Variants in EVC2 observed in about 807,000 individuals in gnomAD.
EVC2 encodes the protein limbin.
Under a neutral mutation model 149.3 loss-of-function variants are expected in EVC2, and 148 were observed. The ratio of observed to expected loss-of-function variants is 0.99; its 90% CI spans 0.87 to 1.14. EVC2 has a LOEUF of 1.14. Among genes scored for constraint, EVC2 ranks in the 50% most tolerant of loss-of-function variants. The pLI is 0.00. For missense variants in EVC2, 1,854 were observed against 1,627.3 expected (o/e 1.14, Z -2.40); for synonymous variants, 776 against 649.9 (o/e 1.19, Z -2.95).
At chr4:5,593,970 A>C (rs1342090061) in intron 16 of EVC2, among the ~76,000 whole-genome samples, 1 of 152,210 alleles carries the variant, frequency 6.6e-6, no homozygotes, top group Non-Finnish European at 1.5e-5. Context: ...GCTGATTGCT[A>C]GCACGGCAGT....
At chr4:5,689,822 T>C (rs1423602932) in intron 4 of EVC2, among the ~76,000 whole-genome samples, 1 of 152,182 alleles carries the variant, frequency 6.6e-6, no homozygotes, top group Non-Finnish European at 1.5e-5. Flanking sequence ...GCCCAGCACA[T>C]GTCTCAGTGG....
chr4:5,688,358 T>C (rs761400743), intron 5 of EVC2, among the ~76,000 whole-genome samples: 17 of 152,120 alleles, frequency 1.1e-4, no homozygotes, highest in Non-Finnish European at 5.9e-5. Context: ...GTTACCACGG[T>C]GCACAGGGAG....
rs567518604 is a variant in EVC2, at chr4:5,621,780, C to T, written c.2501+757G>A. 2.6e-5 allele frequency among the ~76,000 whole-genome samples: 4 copies of T among 152,246 alleles called. No individual in the cohort carries two copies. The East Asian group carries it at 5.8e-4, about 22-fold the overall frequency. ...TGAAATTTATCTTGGGAGGCTGAGG[C>T]GGGAGGATTGCCTAAGCCCAGGAGT... is the stretch of plus-strand genomic sequence containing the variant. On this transcript the variant is annotated intron_variant, in intron 14 of 21. Coordinates refer to ENST00000344408, the MANE Select transcript of EVC2 (RefSeq NM_147127.5).
intron 19 of EVC2, among the ~76,000 whole-genome samples, chr4:5,571,144 C>T (rs1560128791): frequency 1.3e-5 from 2 of 151,734 alleles, no homozygotes; most frequent in East Asian, 3.9e-4. Context: ...GGTGAAACCC[C>T]GTCTCTACTG....
At chr4:5,541,009 G>A (rs1323537337), downstream of EVC2, among the ~76,000 whole-genome samples, 1 of 152,124 alleles carries the variant, frequency 6.6e-6, no homozygotes, top group Non-Finnish European at 1.5e-5. Context: ...CCCCATCATT[G>A]CACACTCATC....
intron 9 of EVC2, among the ~76,000 whole-genome samples, chr4:5,656,674 A>C (rs1430024651): frequency 6.6e-6 from 1 of 152,130 alleles, no homozygotes. Context: ...GAAGCCCCAG[A>C]AGCTGGAAGA....
rs182372101 is a variant in EVC2, at chr4:5,638,207, G to A, written c.1470+2307C>T. Among the ~76,000 whole-genome samples, 1,217 of 152,072 alleles carry A rather than the reference G, an allele frequency of 8.0e-3. 12 individuals are homozygous for A. The highest frequency in any genetic ancestry group is 0.01 in the Non-Finnish European group (709 of 67,986). On this transcript the variant is annotated intron_variant, in intron 10 of 21. Coordinates refer to ENST00000344408, the MANE Select transcript of EVC2 (RefSeq NM_147127.5). ...AGTTCGAGATCAGTGTGGCCAACATGGCAAAACCCTGTCTCTACTAAAAAT... is the reference window on the plus strand; with the variant it reads ...AGTTCGAGATCAGTGTGGCCAACATAGCAAAACCCTGTCTCTACTAAAAAT...
At chr4:5,616,557 C>T (rs1288061418) in intron 15 of EVC2, among the ~76,000 whole-genome samples, 2 of 152,214 alleles carry the variant, frequency 1.3e-5, no homozygotes, top group South Asian at 2.1e-4. Context: ...TAAGCATCCA[C>T]TAACATTGCT....
the EVC2 span, among the ~76,000 whole-genome samples, chr4:5,530,742 T>C: frequency 6.6e-6 from 1 of 152,266 alleles, no homozygotes; most frequent in Non-Finnish European, 1.5e-5. Flanking sequence ...ACCAGACAGC[T>C]GACTACCTCA....
chr4:5,609,593 G>A (rs910910827), intron 16 of EVC2, among the ~76,000 whole-genome samples: 9 of 152,248 alleles, frequency 5.9e-5, no homozygotes, highest in South Asian at 4.1e-4. Flanking sequence ...GAAAGAAGAC[G>A]AGCACTACAG....
chr4:5,643,028 G>C (rs964455167), intron 9 of EVC2, among the ~76,000 whole-genome samples: 1 of 152,198 alleles, frequency 6.6e-6, no homozygotes, highest in Non-Finnish European at 1.5e-5. Context: ...ACAGATGTGT[G>C]TATGTCTATC....
At chr4:5,561,034 G>C (rs561179254), downstream of EVC2, among the ~76,000 whole-genome samples, 113 of 152,238 alleles carry the variant, frequency 7.4e-4, 2 homozygotes, top group South Asian at 0.022. Context: ...GAGCAGCTTG[G>C]GCACCTCCTG....
At chr4:5,550,718 C>T (rs950612791) in intron 21 of EVC2, among the ~76,000 whole-genome samples, 2 of 152,238 alleles carry the variant, frequency 1.3e-5, no homozygotes, top group African/African-American at 4.8e-5. Flanking sequence ...GTCTCCAGGG[C>T]AGGTCAGAAG....
intron 21 of EVC2, chr4:5,543,221 G>A (rs1721549982): frequency 7.8e-7 from 1 of 1,289,638 alleles, no homozygotes; most frequent in South Asian, 1.2e-5. Context: ...ACCTGGAACA[G>A]GATACAATCC....
intron 19 of EVC2, among the ~76,000 whole-genome samples, chr4:5,570,587 A>C (rs1380941443): frequency 6.6e-6 from 1 of 152,250 alleles, no homozygotes; most frequent in Non-Finnish European, 1.5e-5. Flanking sequence ...AACAGTATGG[A>C]GGTTCCTTAA....
At chr4:5,676,206 C>T (rs570435880) in intron 7 of EVC2, among the ~76,000 whole-genome samples, 9 of 152,232 alleles carry the variant, frequency 5.9e-5, no homozygotes, top group African/African-American at 2.2e-4. Context: ...GTACTCTCAT[C>T]CAGGAGACAG....
chr4:5,615,519 C>G lies in EVC2; in HGVS notation c.2732G>C (p.Arg911Pro), dbSNP rs767317898. 3.7e-6 allele frequency: 6 copies of G among 1,614,054 alleles called. No individual in the cohort carries two copies. In the African/African-American group the frequency reaches 8.0e-5, roughly 22 times the overall value. The change falls in exon 16 of 22, where the codon CGG (arginine) becomes CCG (proline). Residue 911 changes from arginine (R) to proline (P), a missense_variant. Physicochemically the swap from Arg to Pro is moderately radical, Grantham distance 103. Coordinates refer to ENST00000344408, the MANE Select transcript of EVC2 (RefSeq NM_147127.5). ...CTCTCCCTTGCTTTTACTCTTGGAC[C>G]GTGACTTTCTCACCTTGGACTGTTG... ...LQQQSKVRKS[R>P]SKSKSKGELL... is the part of the protein sequence containing the mutation.
rs1335323685 is a variant in EVC2, at chr4:5,679,931, G to A, written c.870+1329C>T. On this transcript the variant is annotated intron_variant, in intron 7 of 21. Transcript: ENST00000344408. The surrounding 1 kb of genome is among the most constrained non-coding windows in gnomAD (Gnocchi z 5.1). Reference sequence around the variant, plus strand: ...GTTCCTTTCTTTATATCCTTACTCTGTAAGCTTTCTATATTTTTAAGGTAT... The same window carrying A: ...GTTCCTTTCTTTATATCCTTACTCTATAAGCTTTCTATATTTTTAAGGTAT... Among the ~76,000 whole-genome samples, 1 of 151,908 alleles carries A rather than the reference G, an allele frequency of 6.6e-6. No individual in the cohort carries two copies. The highest frequency in any genetic ancestry group is 2.4e-5 in the African/African-American group (1 of 41,328).
At chr4:5,604,706 C>A (rs939267977) in intron 16 of EVC2, among the ~76,000 whole-genome samples, 2 of 151,960 alleles carry the variant, frequency 1.3e-5, no homozygotes, top group Non-Finnish European at 2.9e-5. Flanking sequence ...CTTAAATGTT[C>A]CCAACACACA....
Sources: gnomAD v4.1 joint callset for allele counts (sites outside exome capture counted in the v4.1 genomes callset) on GRCh38, gnomAD v4.1.1 for gene constraint, Gnocchi (gnomAD v3.1) non-coding constraint, MANE v1.5 for transcripts, NCBI Gene and HGNC (gene_info 2026-07-23, HGNC 2026-07-21) for gene names.